Variants in SEPTIN8 observed in about 807,000 individuals in gnomAD.
SEPTIN8 encodes the protein septin 8.
Under a neutral mutation model 53.1 loss-of-function variants are expected in SEPTIN8, and 22 were observed. The ratio of observed to expected loss-of-function variants is 0.41; its 90% confidence interval spans 0.30 to 0.59. SEPTIN8 has a LOEUF of 0.59. SEPTIN8 is among the 20% of genes least tolerant of loss of function. The pLI is 0.24. For missense variants in SEPTIN8, 536 were observed against 638.7 expected (o/e 0.84, Z 1.73); for synonymous variants, 228 against 248.4 (o/e 0.92, Z 0.77).
Position 132,761,107 on chromosome 5 carries a change from A to G in SEPTIN8, c.1095+26T>C, listed in dbSNP as rs1452231119. 4 of 1,613,560 alleles carry G rather than the reference A, an allele frequency of 2.5e-6. No individual in the cohort carries two copies. Among genetic ancestry groups the G allele is most frequent in the Non-Finnish European group, 3.4e-6 (4 of 1,179,774 alleles). ...AGGCCTTCCCTCCCTCAGCTTCCCC[A>G]TCCCAGCCCCCAGCCTGGCACATAC... On this transcript the variant is annotated intron_variant, in intron 8 of 9. Coordinates refer to ENST00000378719, the MANE Select transcript of SEPTIN8 (RefSeq NM_001098811.2). This position sits in a 1 kb window ranked among gnomAD's most constrained non-coding sequence, Gnocchi z 5.8.
At chr5:132,754,158 G>A (rs1755124084) in intron 9 of SEPTIN8, 2 of 426,926 alleles carry the variant, frequency 4.7e-6, no homozygotes, top group African/African-American at 2.0e-5. Flanking sequence ...CACTTTAATT[G>A]CTTCCGATCC....
chr5:132,753,890 T>A (rs1350873754), intron 9 of SEPTIN8: 2 of 149,638 alleles, frequency 1.3e-5, no homozygotes, highest in Non-Finnish European at 2.9e-5. Flanking sequence ...TAAGTTGTGT[T>A]GGGGGCATGA....
intron 9 of SEPTIN8, chr5:132,754,423 C>G: frequency 1.4e-6 from 1 of 717,504 alleles, no homozygotes; most frequent in Non-Finnish European, 2.6e-6. Context: ...CCAGTTTAGG[C>G]ATCCCAGGCT....
chr5:132,756,093 T>G (rs963651620), intron 9 of SEPTIN8: 1 of 985,268 alleles, frequency 1.0e-6, no homozygotes, highest in African/African-American at 1.7e-5. Flanking sequence ...AGTAAATGAA[T>G]TAACACGTGA....
intron 1 of SEPTIN8, among the ~76,000 whole-genome samples, chr5:132,769,649 G>A (rs1240379064): frequency 6.6e-6 from 1 of 152,022 alleles, no homozygotes; most frequent in Admixed American, 6.6e-5. Flanking sequence ...GTCTAGATGA[G>A]ACAATAGAGG....
rs777213382 is a variant in SEPTIN8 at position 132,761,901 on chromosome 5, A to G, written c.697-5T>C. 6.3e-7 allele frequency: 1 copy of G among 1,580,278 alleles called. No homozygotes were observed. Among genetic ancestry groups the G allele is most frequent in the South Asian group, 1.2e-5 (1 of 86,282 alleles). On this transcript the variant is annotated splice_polypyrimidine_tract_variant and splice_region_variant and intron_variant, in intron 5 of 9. Coordinates refer to ENST00000378719, the MANE Select transcript of SEPTIN8 (RefSeq NM_001098811.2). This position sits in a 1 kb window ranked among gnomAD's most constrained non-coding sequence, Gnocchi z 5.8. Reference sequence around the variant, plus strand: ...CACGGCAAAGGGCAGATGTGCCTGGAAAGGGGCCCGGGTATGCGTAAGCCC... The same window carrying G: ...CACGGCAAAGGGCAGATGTGCCTGGGAAGGGGCCCGGGTATGCGTAAGCCC...
chr5:132,779,439 G>A (rs1316278502), upstream of SEPTIN8, among the ~76,000 whole-genome samples: 1 of 152,144 alleles, frequency 6.6e-6, no homozygotes, highest in Admixed American at 6.5e-5. Context: ...TGCATTTTCT[G>A]TGCAAAAGAA....
At chr5:132,759,040 A>G in intron 9 of SEPTIN8, 2 of 698,210 alleles carry the variant, frequency 2.9e-6, no homozygotes, top group Non-Finnish European at 2.7e-6. Context: ...AAAAATTTGG[A>G]TTCAAATTTA....
chr5:132,764,845 C>T (rs536981565), intron 2 of SEPTIN8, among the ~76,000 whole-genome samples: 23 of 152,122 alleles, frequency 1.5e-4, no homozygotes, highest in Non-Finnish European at 2.9e-4. Context: ...TCAACCCATG[C>T]GCCCCGGACA....
chr5:132,777,317 G>A (rs555985054), upstream of SEPTIN8: 4 of 1,079,030 alleles, frequency 3.7e-6, no homozygotes, highest in South Asian at 1.4e-4. This position sits in a 1 kb window ranked among gnomAD's most constrained non-coding sequence, Gnocchi z 4.1. Context: ...CCCTGCCCCC[G>A]CCCGCGGGAC....
chr5:132,751,181 C>A lies in SEPTIN8; in HGVS notation c.*835G>T. On this transcript the variant is annotated 3_prime_UTR_variant, in exon 10 of 10. Transcript: ENST00000378719. ...AAGGTATCTTAAATCCAACACAGTT[C>A]CACCAGACTCCCACTTCTAAAGGAC... The A allele has an allele frequency of 1.9e-6, 1 of 533,474 alleles. No individual in the cohort carries two copies. Among genetic ancestry groups the A allele is most frequent in the African/African-American group, 1.9e-5 (1 of 51,950 alleles). The allele number at this position is 533,474 out of a possible 1,614,324, so 33.0% of individuals were successfully genotyped here. A position where few individuals can be genotyped will look rare whatever the true frequency, so the allele number is the denominator to read the frequency against.
In SEPTIN8 at chr5:132,760,877, G is replaced by A. The variant is rs151058061; in HGVS notation, c.1211C>T (p.Ala404Val). 5 of 1,612,520 alleles carry A rather than the reference G, an allele frequency of 3.1e-6. No homozygotes were observed. The Admixed American group carries it at 5.0e-5, about 16-fold the overall frequency. Residue 404 changes from alanine (A) to valine (V), a missense_variant, in exon 9 of 10, where the codon GCG (alanine) becomes GTG (valine). Physicochemically the swap from Ala to Val is moderately conservative, Grantham distance 64 (BLOSUM62 0). Transcript: ENST00000378719. This position sits in a 1 kb window ranked among gnomAD's most constrained non-coding sequence, Gnocchi z 5.2. ...GGCCTGCGACTGCAGGGCCTCCACCGCAGCCTTCCGGCGATTGAAGGCGTT... is the reference window on the plus strand; with the variant it reads ...GGCCTGCGACTGCAGGGCCTCCACCACAGCCTTCCGGCGATTGAAGGCGTT... The part of the protein sequence containing the change: ...ETNAFNRRKA[A>V]VEALQSQALH...
rs1424718240 is a variant in SEPTIN8 at position 132,760,806 on chromosome 5, T to TCTTGTC, written c.1276_1281dup (p.Asp426_Lys427dup). The TCTTGTC allele has an allele frequency of 1.2e-6, 2 of 1,613,486 alleles. No individual in the cohort carries two copies. Among genetic ancestry groups the TCTTGTC allele is most frequent in the South Asian group, 2.2e-5 (2 of 91,066 alleles). On this transcript the variant is annotated inframe_insertion, in exon 9 of 10. Transcript: ENST00000378719. This position sits in a 1 kb window ranked among gnomAD's most constrained non-coding sequence, Gnocchi z 5.2. ...CAGGCGCAGCCTGCCACCTACTTCT[T>TCTTGTC]CTTGTCCTTGTCCTTCCTCAGGGGC... is the stretch of plus-strand genomic sequence containing the variant.
intron 4 of SEPTIN8, among the ~76,000 whole-genome samples, chr5:132,762,909 C>T (rs932005530): frequency 6.6e-6 from 1 of 152,178 alleles, no homozygotes; most frequent in Non-Finnish European, 1.5e-5. Flanking sequence ...AAACTGGTCC[C>T]CCTAGGCATA....
intron 1 of SEPTIN8, among the ~76,000 whole-genome samples, chr5:132,767,114 C>T (rs1263253252): frequency 1.3e-5 from 2 of 152,140 alleles, no homozygotes; most frequent in African/African-American, 4.8e-5. Context: ...TATAGCTGAC[C>T]CTTTCTCCCC....
At chr5:132,762,437 C>G (rs1162216468) in intron 5 of SEPTIN8, 47 bp downstream of exon 5, 2 of 1,588,864 alleles carry the variant, frequency 1.3e-6, no homozygotes, top group Non-Finnish European at 1.7e-6. Context: ...TGTGCCGGCT[C>G]CTCGCCCTCT....
At chr5:132,770,533 A>G (rs1757222209) in intron 1 of SEPTIN8, among the ~76,000 whole-genome samples, 2 of 152,138 alleles carry the variant, frequency 1.3e-5, no homozygotes, top group Non-Finnish European at 2.9e-5. Flanking sequence ...TTGACAACCA[A>G]TACAAACTGA....
chr5:132,765,340 G>T (rs1318301279), intron 2 of SEPTIN8, 69 bp downstream of exon 2: 2 of 1,581,982 alleles, frequency 1.3e-6, no homozygotes, highest in Non-Finnish European at 1.7e-6. Flanking sequence ...TCAACAGGGG[G>T]CCAGAAGCAC....
chr5:132,758,145 T>C, intron 9 of SEPTIN8: 1 of 1,033,338 alleles, frequency 9.7e-7, no homozygotes. Flanking sequence ...CCAAACACTG[T>C]CATTACAGGA....
Sources: allele counts gnomAD v4.1 joint callset (sites outside exome capture counted in the v4.1 genomes callset), GRCh38; gene constraint gnomAD v4.1.1; non-coding constraint Gnocchi (gnomAD v3.1); transcripts MANE v1.5; gene names NCBI Gene and HGNC (gene_info 2026-07-23, HGNC 2026-07-21).